ATE1: variants seen among roughly 807,000 people sequenced by gnomAD.
ATE1 encodes the protein arginyl-tRNA--protein transferase 1.
ATE1 carries 36 observed loss-of-function variants against 70.5 expected under a neutral mutation model. That is an observed-to-expected ratio of 0.51 (90% CI 0.39 to 0.67). ATE1 has a LOEUF of 0.67. Among genes scored for constraint, ATE1 ranks in the 30% least tolerant of loss-of-function variants. The pLI is 0.00. For synonymous variants in ATE1, 232 were observed against 219.3 expected (o/e 1.06, Z -0.51); for missense variants, 593 against 629.5 (o/e 0.94, Z 0.62).
chr10:121,901,708 G>A (rs1000421703), intron 6 of ATE1, among the ~76,000 whole-genome samples: 7 of 152,040 alleles, frequency 4.6e-5, no homozygotes, highest in Admixed American at 1.3e-4. Context: ...CACCTGCCTC[G>A]GCCTACCAAA....
rs763588130 is a variant in ATE1 at position 121,922,331 on chromosome 10, A to C, written c.233+18T>G. On this transcript the variant is annotated intron_variant, in intron 3 of 11. Coordinates refer to ENST00000224652, the MANE Select transcript of ATE1 (RefSeq NM_001001976.3). Reference sequence around the variant, plus strand: ...TCTTCATACTATAAATCCTCTTTCTACTAATTAAAATTCTTACCTTATTGT... The same window carrying C: ...TCTTCATACTATAAATCCTCTTTCTCCTAATTAAAATTCTTACCTTATTGT... 6.1e-5 allele frequency: 92 copies of C among 1,519,216 alleles called. No individual in the cohort carries two copies. Among genetic ancestry groups the C allele is most frequent in the Non-Finnish European group, 8.0e-5 (88 of 1,101,876 alleles). 94.1% of individuals were successfully genotyped at this position (1,519,216 alleles called of 1,614,324 possible). A position where few individuals can be genotyped will look rare whatever the true frequency, so the allele number is the denominator to read the frequency against.
At chr10:121,875,453 C>T (rs1464925417) in intron 7 of ATE1, among the ~76,000 whole-genome samples, 2 of 151,700 alleles carry the variant, frequency 1.3e-5, no homozygotes, top group Non-Finnish European at 2.9e-5. Context: ...TACAGGCGCC[C>T]ACCACCACGC....
chr10:121,768,050 A>G (rs1443214792), intron 11 of ATE1, among the ~76,000 whole-genome samples: 7 of 152,248 alleles, frequency 4.6e-5, no homozygotes, highest in Non-Finnish European at 8.8e-5. Context: ...ATGCTACAAC[A>G]TGGATGAATC....
At chr10:121,855,533 A>C (rs1269715518) in intron 8 of ATE1, among the ~76,000 whole-genome samples, 2 of 152,212 alleles carry the variant, frequency 1.3e-5, no homozygotes, top group East Asian at 3.8e-4. Flanking sequence ...GTAGAACTGA[A>C]GCGAAAAGCC....
chr10:121,809,833 CAG>C (rs1947247120), intron 10 of ATE1, among the ~76,000 whole-genome samples: 1 of 150,504 alleles, frequency 6.6e-6, no homozygotes, highest in Non-Finnish European at 1.5e-5. Context: ...AAAGTGCAGT[CAG>C]AGAATCGTGA....
rs1382135139 is a variant in ATE1 at position 121,897,940 on chromosome 10, C to A, written c.942+1926G>T. ...CTTTAACCAGAAGACTCTGGGGGAT[C>A]TGGGAAGTGAGCCCTTTCTCAGGGA... On this transcript the variant is annotated intron_variant, in intron 7 of 11. Coordinates refer to ENST00000224652, the MANE Select transcript of ATE1 (RefSeq NM_001001976.3). 3.3e-5 allele frequency among the ~76,000 whole-genome samples: 5 copies of A among 152,154 alleles called. No individual in the cohort carries two copies. The South Asian group carries it at 1.0e-3, about 32-fold the overall frequency.
chr10:121,910,789 G>A (rs1951390362), intron 5 of ATE1, 117 bp downstream of exon 5: 2 of 1,384,160 alleles, frequency 1.4e-6, no homozygotes, highest in Non-Finnish European at 2.0e-6. Flanking sequence ...GCAGGGTTCT[G>A]TTTTACAGAC....
intron 10 of ATE1, among the ~76,000 whole-genome samples, chr10:121,795,223 G>A (rs945081221): frequency 2.6e-5 from 4 of 152,006 alleles, no homozygotes; most frequent in African/African-American, 7.3e-5. Context: ...ACTCCAGCCT[G>A]GGCAATGGAG....
At chr10:121,780,858 C>T (rs4751856) in intron 11 of ATE1, among the ~76,000 whole-genome samples, 147,208 of 152,278 alleles carry the variant, frequency 0.97, 71,320 homozygotes, top group East Asian at 1. Flanking sequence ...CTGCCTCTTC[C>T]TTCTCCCACA....
chr10:121,816,072 C>A (rs1248188197), intron 10 of ATE1, among the ~76,000 whole-genome samples: 1 of 152,156 alleles, frequency 6.6e-6, no homozygotes, highest in Non-Finnish European at 1.5e-5. Context: ...CTATTCATTT[C>A]ACTTCATTGC....
chr10:121,777,491 T>C (rs1945797417), intron 11 of ATE1, among the ~76,000 whole-genome samples: 1 of 149,214 alleles, frequency 6.7e-6, no homozygotes, highest in African/African-American at 2.6e-5. Context: ...CCGTAAGAGC[T>C]AAGGAGATAC....
In ATE1 at chr10:121,910,816, C is replaced by T; in HGVS notation, c.583+90G>A. ...TTTACAGACTGCACGACTAAGTCAT[C>T]CTTTTGGCTGATGGAAAGACCCAGG... On this transcript the variant is annotated intron_variant, in intron 5 of 11. Coordinates refer to ENST00000224652, the MANE Select transcript of ATE1 (RefSeq NM_001001976.3). The T allele has an allele frequency of 1.9e-6, 3 of 1,559,540 alleles. No individual in the cohort carries two copies. The South Asian group carries it at 3.5e-5, about 18-fold the overall frequency.
intron 11 of ATE1, among the ~76,000 whole-genome samples, chr10:121,759,860 C>G (rs1285123255): frequency 6.6e-6 from 1 of 152,054 alleles, no homozygotes; most frequent in East Asian, 1.9e-4. Flanking sequence ...GCAGATGAAA[C>G]AGTCTTCTAC....
chr10:121,812,470 C>T (rs1260605090), intron 10 of ATE1, among the ~76,000 whole-genome samples: 3 of 152,118 alleles, frequency 2.0e-5, no homozygotes, highest in African/African-American at 7.2e-5. Flanking sequence ...CCCAAGACCC[C>T]CTTTAAGTCC....
At chr10:121,779,474 C>T (rs1222237130) in intron 11 of ATE1, among the ~76,000 whole-genome samples, 1 of 152,180 alleles carries the variant, frequency 6.6e-6, no homozygotes. Context: ...TGTTGCCACA[C>T]CCGTTTTATC....
chr10:121,800,441 T>C (rs1166120494), intron 10 of ATE1, among the ~76,000 whole-genome samples: 4 of 152,234 alleles, frequency 2.6e-5, no homozygotes, highest in Non-Finnish European at 4.4e-5. Flanking sequence ...CCAAACGAAC[T>C]TTCCTTTGAA....
At chr10:121,868,985 A>G (rs574891610) in intron 8 of ATE1, among the ~76,000 whole-genome samples, 1 of 152,356 alleles carries the variant, frequency 6.6e-6, no homozygotes, top group East Asian at 1.9e-4. Flanking sequence ...CTGAAGACGA[A>G]TATGATTTGA....
At chr10:121,844,418 G>A (rs1948741676) in intron 8 of ATE1, among the ~76,000 whole-genome samples, 1 of 152,138 alleles carries the variant, frequency 6.6e-6, no homozygotes, top group African/African-American at 2.4e-5. Flanking sequence ...TACTAGAATG[G>A]CTGAAATCCA....
chr10:121,918,263 G>A (rs1465449821), intron 3 of ATE1, among the ~76,000 whole-genome samples: 1 of 151,916 alleles, frequency 6.6e-6, no homozygotes, highest in Non-Finnish European at 1.5e-5. Context: ...AACCTGGGAG[G>A]CGGAGGTTTC....
Sources: gnomAD v4.1 joint callset for allele counts (sites outside exome capture counted in the v4.1 genomes callset) on GRCh38, gnomAD v4.1.1 for gene constraint, MANE v1.5 for transcripts, NCBI Gene and HGNC (gene_info 2026-07-23, HGNC 2026-07-21) for gene names.